DCAF6: variants seen among roughly 807,000 people sequenced by gnomAD.
The protein encoded by DCAF6 is DDB1- and CUL4-associated factor 6.
In DCAF6, 54 loss-of-function variants were observed where a neutral mutation model predicts 125.1. The ratio of observed to expected loss-of-function variants is 0.43; its 90% confidence interval spans 0.35 to 0.54. DCAF6 has a LOEUF of 0.54. DCAF6 is among the 20% of genes least tolerant of loss of function. The pLI is 0.01. For missense variants in DCAF6, 934 were observed against 1,161.7 expected (o/e 0.80, Z 2.85); for synonymous variants, 371 against 390.4 (o/e 0.95, Z 0.58).
intron 3 of DCAF6, among the ~76,000 whole-genome samples, chr1:167,971,456 C>T (rs186944078): frequency 7.9e-5 from 12 of 152,048 alleles, no homozygotes; most frequent in African/African-American, 2.9e-4. Context: ...ATATTCGATA[C>T]CTCAGACAGG....
intron 1 of DCAF6, among the ~76,000 whole-genome samples, chr1:167,946,122 A>G (rs1399840054): frequency 6.6e-6 from 1 of 151,320 alleles, no homozygotes; most frequent in East Asian, 2.0e-4. Flanking sequence ...ACACCCGGCT[A>G]ATTTTTGTAG....
chr1:168,001,028 T>C (rs990471085), intron 7 of DCAF6, among the ~76,000 whole-genome samples: 19 of 152,306 alleles, frequency 1.2e-4, no homozygotes, highest in African/African-American at 4.6e-4. Flanking sequence ...GGATCAGATG[T>C]GGTGGCTCAT....
intron 12 of DCAF6, among the ~76,000 whole-genome samples, chr1:168,029,039 C>T (rs1686704005): frequency 6.6e-6 from 1 of 152,086 alleles, no homozygotes; most frequent in African/African-American, 2.4e-5. Context: ...CTAATTTCTT[C>T]CTATCCCCAA....
chr1:167,935,214 G>A (rs1361913416), upstream of DCAF6, among the ~76,000 whole-genome samples: 5 of 152,202 alleles, frequency 3.3e-5, no homozygotes, highest in Admixed American at 6.5e-5. Flanking sequence ...TATGGGATGA[G>A]AAATGACACT....
intron 4 of DCAF6, among the ~76,000 whole-genome samples, chr1:167,977,724 T>G (rs1444838196): frequency 2.0e-5 from 3 of 152,198 alleles, no homozygotes; most frequent in Non-Finnish European, 4.4e-5. Context: ...AAATTCTGAT[T>G]AGCCATATCA....
In DCAF6 at chr1:168,044,598, A is replaced by G. The variant is rs754889771; in HGVS notation, c.1857A>G (p.Glu619=). 1.9e-6 allele frequency: 3 copies of G among 1,612,426 alleles called. No homozygotes were observed. The highest frequency in any genetic ancestry group is 2.5e-6 in the Non-Finnish European group (3 of 1,178,578). Reference sequence around the variant, plus strand: ...GTTTACTTACAGAAGCTCCTGAAGAATCATCAGAGGATGTGACAAAATATC... The same window carrying G: ...GTTTACTTACAGAAGCTCCTGAAGAGTCATCAGAGGATGTGACAAAATATC... ...EGDSETKAPE[E]SSEDVTKYQE... is the part of the protein sequence containing the mutation. The change falls in exon 15 of 22, where the codon GAA becomes GAG. Residue 619 remains glutamate, a synonymous_variant. Coordinates refer to ENST00000367840, the MANE Select transcript of DCAF6 (RefSeq NM_001198956.2).
chr1:167,878,735 T>C, the DCAF6 span: 3 of 1,215,998 alleles, frequency 2.5e-6, no homozygotes, highest in Non-Finnish European at 3.6e-6. Flanking sequence ...TACCCTTTAC[T>C]CCCTTTGCTG....
intron 16 of DCAF6, among the ~76,000 whole-genome samples, chr1:168,049,431 GTTTTTT>G (rs11369573): frequency 3.0e-5 from 3 of 101,212 alleles, no homozygotes; most frequent in African/African-American, 1.2e-4. Context: ...TGTTGTTGTT[GTTTTTT>G]TTTTTTTTTT....
chr1:167,927,357 A>C, the DCAF6 span, among the ~76,000 whole-genome samples: 2 of 152,216 alleles, frequency 1.3e-5, no homozygotes, highest in East Asian at 3.8e-4. Context: ...ATTTAGGGTG[A>C]GATTCTGGGA....
At chr1:168,058,610 C>G (rs1029398530) in intron 17 of DCAF6, among the ~76,000 whole-genome samples, 3 of 152,146 alleles carry the variant, frequency 2.0e-5, no homozygotes, top group Non-Finnish European at 4.4e-5. Flanking sequence ...CTTGCTGTCA[C>G]CAGGCTGGAG....
At chr1:168,028,051 A>G (rs1686570874) in intron 12 of DCAF6, among the ~76,000 whole-genome samples, 2 of 152,158 alleles carry the variant, frequency 1.3e-5, no homozygotes, top group Non-Finnish European at 2.9e-5. Context: ...TTCTGTGCTA[A>G]TTATGCATAA....
chr1:167,869,723 C>T, the DCAF6 span, among the ~76,000 whole-genome samples: 450 of 152,324 alleles, frequency 3.0e-3, 2 homozygotes, highest in African/African-American at 0.01. Flanking sequence ...CTTACTCAAT[C>T]GATCACGACC....
intron 10 of DCAF6, among the ~76,000 whole-genome samples, chr1:168,008,574 T>G (rs1395268164): frequency 6.6e-6 from 1 of 152,158 alleles, no homozygotes; most frequent in African/African-American, 2.4e-5. Flanking sequence ...AATGAGTATT[T>G]TAACATGTTA....
At chr1:167,906,622 CAAA>C in the DCAF6 span, among the ~76,000 whole-genome samples, 28 of 109,506 alleles carry the variant, frequency 2.6e-4, no homozygotes, top group Admixed American at 3.8e-4. Flanking sequence ...CCCATCTCTA[CAAA>C]AAAAAAAAAA....
the DCAF6 span, among the ~76,000 whole-genome samples, chr1:167,902,937 G>A: frequency 6.6e-6 from 1 of 152,176 alleles, no homozygotes; most frequent in African/African-American, 2.4e-5. Context: ...CTATCTTTGG[G>A]TTTTATAGAT....
intron 10 of DCAF6, among the ~76,000 whole-genome samples, chr1:168,011,330 A>ATGG (rs1385697100): frequency 6.6e-6 from 1 of 151,860 alleles, no homozygotes; most frequent in African/African-American, 2.4e-5. Flanking sequence ...GTTGGCCAGG[A>ATGG]TGGTCTTGAT....
intron 1 of DCAF6, among the ~76,000 whole-genome samples, chr1:167,949,913 G>C (rs1673659530): frequency 6.6e-6 from 1 of 152,130 alleles, no homozygotes; most frequent in Non-Finnish European, 1.5e-5. Flanking sequence ...TTGCTAGTTT[G>C]CTCTAGAAGC....
chr1:167,885,991 G>A, the DCAF6 span, among the ~76,000 whole-genome samples: 1 of 151,918 alleles, frequency 6.6e-6, no homozygotes, highest in African/African-American at 2.4e-5. Flanking sequence ...TCTTATATAG[G>A]GATGTGAAGG....
chr1:167,941,358 G>A lies in DCAF6; in HGVS notation c.97+4350G>A, dbSNP rs1672202102. Among the ~76,000 whole-genome samples, 7 of 152,124 alleles carry A rather than the reference G, an allele frequency of 4.6e-5. No homozygotes were observed. The South Asian group carries it at 1.4e-3, about 31-fold the overall frequency. Reference sequence around the variant, plus strand: ...GTGGGTTTCATTGCTTCCTAAAATAGGATGAATCAAGTTATAAGTGCTTAG... The same window carrying A: ...GTGGGTTTCATTGCTTCCTAAAATAAGATGAATCAAGTTATAAGTGCTTAG... On this transcript the variant is annotated intron_variant, in intron 1 of 21. Transcript: ENST00000367840.
Sources: gnomAD v4.1 joint callset for allele counts (sites outside exome capture counted in the v4.1 genomes callset) on GRCh38, gnomAD v4.1.1 for gene constraint, MANE v1.5 for transcripts, NCBI Gene and HGNC (gene_info 2026-07-23, HGNC 2026-07-21) for gene names.